The following SYNE1 variants were observed in gnomAD, a reference collection of about 807,000 sequenced individuals.
SYNE1 encodes the protein nesprin-1.
SYNE1 carries 616 observed loss-of-function variants against 1,111.0 expected under a neutral mutation model. The observed-to-expected ratio is 0.55, with a 90% CI of 0.52 to 0.59. SYNE1 has a LOEUF of 0.59. Among genes scored for constraint, SYNE1 ranks in the 20% least tolerant of loss-of-function variants. SYNE1 has a pLI of 0.00. For synonymous variants in SYNE1, 3,855 were observed against 3,825.8 expected, an observed-to-expected ratio of 1.01 and a Z score of -0.28; for missense variants, 10,006 against 10,417.0, an observed-to-expected ratio of 0.96 and a Z score of 1.72.
chr6:152,472,310 A>G lies in SYNE1; in HGVS notation c.1454T>C (p.Met485Thr), dbSNP rs757612135. 2 of 1,613,186 alleles carry G rather than the reference A, an allele frequency of 1.2e-6. No homozygotes were observed. The highest frequency in any genetic ancestry group is 1.7e-6 in the Non-Finnish European group (2 of 1,179,296). Residue 485 changes from methionine to threonine, a missense_variant, in exon 15 of 146, where the codon ATG becomes ACG. This residue lies in a region of SYNE1 where 1,971 missense variants were observed against 2,084.1 expected (regional missense o/e 0.95). Coordinates refer to ENST00000367255, the MANE Select transcript of SYNE1 (RefSeq NM_182961.4). ...IPVPPDQLED[M>T]AERFHFVSST... is the part of the protein sequence containing the mutation. ...GCAGATATTCTCTTACCTCTCGGCCATGTCCTCTAATTGATCAGGTGGCAC... is the reference window on the plus strand; with the variant it reads ...GCAGATATTCTCTTACCTCTCGGCCGTGTCCTCTAATTGATCAGGTGGCAC...
intron 66 of SYNE1, among the ~76,000 whole-genome samples, chr6:152,356,680 G>A (rs9478324): frequency 0.033 from 5,000 of 152,156 alleles, 118 homozygotes; most frequent in Non-Finnish European, 0.049. Context: ...TCAGGATCCT[G>A]AAGAAATTCT....
Position 152,307,451 on chromosome 6 carries a change from A to T in SYNE1, c.17346+1038T>A, listed in dbSNP as rs139131158. ...TAGAGCATATGGAAGGATATATTCC[A>T]TATACTCTATCCTTAGTACAGAAAA... On this transcript the variant is annotated intron_variant, in intron 91 of 145. Transcript: ENST00000367255. Among the ~76,000 whole-genome samples, 625 of 152,288 alleles carry T rather than the reference A, an allele frequency of 4.1e-3. 5 individuals are homozygous for T. Among genetic ancestry groups the T allele is most frequent in the African/African-American group, 0.014 (586 of 41,564 alleles).
At chr6:152,608,212 T>C (rs1376363786) in intron 3 of SYNE1, among the ~76,000 whole-genome samples, 1 of 152,216 alleles carries the variant, frequency 6.6e-6, no homozygotes, top group African/African-American at 2.4e-5. Context: ...CTAAAGTGTG[T>C]GCGCTCTCTT....
chr6:152,219,157 T>G lies in SYNE1; in HGVS notation c.21890A>C (p.Lys7297Thr). Residue 7297 changes from lysine (K) to threonine (T), a missense_variant, in exon 120 of 146, where the codon AAA (lysine) becomes ACA (threonine). This residue lies in a region of SYNE1 where 2,182 missense variants were observed against 2,287.8 expected (regional missense o/e 0.95). Coordinates refer to ENST00000367255, the MANE Select transcript of SYNE1 (RefSeq NM_182961.4). The part of the protein sequence containing the change: ...NDLLKGLGTV[K>T]DSLFFLHELG... ...CTCATGGAGAAAAAAGAGGGAATCT[T>G]TAACTGTGCCCAGTCCTTTGAGGAG... The G allele has an allele frequency of 6.2e-7, 1 of 1,614,028 alleles. No individual in the cohort carries two copies. The highest frequency in any genetic ancestry group is 8.5e-7 in the Non-Finnish European group (1 of 1,179,970).
chr6:152,170,011 T>C (rs2064784219), intron 130 of SYNE1, among the ~76,000 whole-genome samples: 1 of 152,108 alleles, frequency 6.6e-6, no homozygotes, highest in Non-Finnish European at 1.5e-5. Flanking sequence ...GGCAACTTTG[T>C]TTTTTTCTTG....
chr6:152,475,862 G>T (rs1012118436), intron 14 of SYNE1, among the ~76,000 whole-genome samples: 3 of 152,190 alleles, frequency 2.0e-5, no homozygotes, highest in Non-Finnish European at 2.9e-5. Context: ...GCAGATTGGT[G>T]AAATTATCTC....
chr6:152,566,583 A>G (rs2128269121), intron 3 of SYNE1, among the ~76,000 whole-genome samples: 1 of 152,290 alleles, frequency 6.6e-6, no homozygotes, highest in East Asian at 1.9e-4. Context: ...TTGGCACAAA[A>G]TCTTAAATTC....
At chr6:152,294,675 AG>A (rs1486057916) in intron 93 of SYNE1, among the ~76,000 whole-genome samples, 1 of 152,212 alleles carries the variant, frequency 6.6e-6, no homozygotes, top group Admixed American at 6.5e-5. Context: ...CACTACTCTA[AG>A]AAACAAATAA....
chr6:152,434,247 G>C (rs1462938746), intron 33 of SYNE1: 2 of 349,272 alleles, frequency 5.7e-6, no homozygotes, highest in East Asian at 6.2e-5. Context: ...ATTAAACTCT[G>C]CATGTGACCA....
Position 152,324,253 on chromosome 6 carries a change from A to T in SYNE1, c.15658-516T>A, listed in dbSNP as rs961250765. ...GTCTCTACTAAAAATACAAAAATTAACCAGGTGTGGTGGCGGGTGCCTGTA... is the reference window on the plus strand; with the variant it reads ...GTCTCTACTAAAAATACAAAAATTATCCAGGTGTGGTGGCGGGTGCCTGTA... On this transcript the variant is annotated intron_variant, in intron 81 of 145. Coordinates refer to ENST00000367255, the MANE Select transcript of SYNE1 (RefSeq NM_182961.4). Among the ~76,000 whole-genome samples, 5 of 151,648 alleles carry T rather than the reference A, an allele frequency of 3.3e-5. No homozygotes were observed. In the South Asian group the frequency reaches 1.0e-3, roughly 32 times the overall value.
rs762039642 is a variant in SYNE1 at position 152,376,518 on chromosome 6, G to T, written c.9187C>A (p.Gln3063Lys). Reference protein sequence around the residue: ...QASKGCQNKEQILQQRFRKAF... With the variant: ...QASKGCQNKEKILQQRFRKAF... The stretch of plus-strand genomic sequence containing the variant: ...TTTCGAAATCTTTGCTGTAAAATCT[G>T]TTCTTTATTCTGGCAGCCCTTGGAT... The change falls in exon 58 of 146, where the codon CAG (glutamine) becomes AAG (lysine). Residue 3063 changes from glutamine (Q) to lysine (K), a missense_variant. Coordinates refer to ENST00000367255, the MANE Select transcript of SYNE1 (RefSeq NM_182961.4). 1 of 1,613,954 alleles carries T rather than the reference G, an allele frequency of 6.2e-7. No homozygotes were observed. Among genetic ancestry groups the T allele is most frequent in the African/African-American group, 1.3e-5 (1 of 74,896 alleles).
At chr6:152,462,285 T>C (rs943270163) in intron 20 of SYNE1, among the ~76,000 whole-genome samples, 1 of 152,204 alleles carries the variant, frequency 6.6e-6, no homozygotes, top group Admixed American at 6.5e-5. Context: ...GACAAAAGAA[T>C]GATACTGTTG....
intron 6 of SYNE1, among the ~76,000 whole-genome samples, chr6:152,515,430 A>G (rs544091592): frequency 6.6e-6 from 1 of 152,184 alleles, no homozygotes; most frequent in Non-Finnish European, 1.5e-5. Flanking sequence ...CAAGTAGTCA[A>G]CTGCCTGCCT....
At chr6:152,481,629 T>A in intron 14 of SYNE1, 1 of 440,150 alleles carries the variant, frequency 2.3e-6, no homozygotes, top group Non-Finnish European at 4.5e-6. Context: ...GAAAAAATTA[T>A]TGTGTGTTAT....
chr6:152,383,216 T>C (rs2097457114), intron 55 of SYNE1, among the ~76,000 whole-genome samples: 1 of 152,244 alleles, frequency 6.6e-6, no homozygotes, highest in Non-Finnish European at 1.5e-5. Context: ...TTCCTTGTCT[T>C]TATGGAAGCA....
chr6:152,634,305 A>G (rs901256626), intron 2 of SYNE1, among the ~76,000 whole-genome samples: 7 of 152,240 alleles, frequency 4.6e-5, no homozygotes, highest in African/African-American at 1.2e-4. Flanking sequence ...AACAGCAGGA[A>G]GTACAGATAT....
intron 63 of SYNE1, 60 bp downstream of exon 63, chr6:152,364,787 T>C: frequency 2.5e-6 from 4 of 1,605,906 alleles, no homozygotes; most frequent in Non-Finnish European, 3.4e-6. Flanking sequence ...GTCTGTTCAG[T>C]AGTATTATAT....
intron 3 of SYNE1, among the ~76,000 whole-genome samples, chr6:152,624,459 A>G (rs1421255603): frequency 6.6e-6 from 1 of 152,194 alleles, no homozygotes; most frequent in East Asian, 1.9e-4. Flanking sequence ...TAATCCAAAG[A>G]GTTCAGCCAT....
At chr6:152,340,463 C>A (rs1456647283) in intron 74 of SYNE1, among the ~76,000 whole-genome samples, 1 of 152,260 alleles carries the variant, frequency 6.6e-6, no homozygotes, top group East Asian at 1.9e-4. Flanking sequence ...CTTGCTAGAA[C>A]GTCAGCAGCA....
Sources: allele counts gnomAD v4.1 joint callset (sites outside exome capture counted in the v4.1 genomes callset), GRCh38; gene constraint gnomAD v4.1.1; regional missense constraint gnomAD v4.1.1; transcripts MANE v1.5; gene names NCBI Gene and HGNC (gene_info 2026-07-23, HGNC 2026-07-21).